The following ERGIC2 variants were observed in gnomAD, a reference collection of about 807,000 sequenced individuals.
ERGIC2 encodes ERGIC and golgi 2.
A neutral mutation model predicts 52.5 loss-of-function variants in ERGIC2; 31 were observed. That is an observed-to-expected ratio of 0.59 (90% CI 0.44 to 0.80). ERGIC2 has a LOEUF of 0.80. Ranked by LOEUF, ERGIC2 falls within the 30% of genes least tolerant of loss-of-function variation. ERGIC2 has a pLI of 0.00. For synonymous variants in ERGIC2, 129 were observed against 140.6 expected, an observed-to-expected ratio of 0.92 and a Z score of 0.58; for missense variants, 395 against 455.2, an observed-to-expected ratio of 0.87 and a Z score of 1.20.
rs1312566863 is a variant in ERGIC2, at chr12:29,338,323, G to A, written c.*2833C>T. On this transcript the variant is annotated 3_prime_UTR_variant, in exon 14 of 14. Coordinates refer to ENST00000360150, the MANE Select transcript of ERGIC2 (RefSeq NM_016570.3). The stretch of plus-strand genomic sequence containing the variant: ...CATAAAACATACATGAGAAAAGTGT[G>A]ATATTAATCATCTAACTTGAGAACT... 1 of 152,066 alleles carries A rather than the reference G, an allele frequency of 6.6e-6. No individual in the cohort carries two copies. The highest frequency in any genetic ancestry group is 1.9e-4 in the East Asian group (1 of 5,186). The allele number at this position is 152,066 out of a possible 1,614,324, so 9.4% of individuals were successfully genotyped here. A position where few individuals can be genotyped will look rare whatever the true frequency, so the allele number is the denominator to read the frequency against.
intron 5 of ERGIC2, among the ~76,000 whole-genome samples, chr12:29,362,943 G>A (rs1940306739): frequency 1.3e-5 from 2 of 152,126 alleles, no homozygotes; most frequent in Admixed American, 6.6e-5. Flanking sequence ...TGACAGTGGC[G>A]ACTATATGAT....
In ERGIC2 at chr12:29,366,926, T is replaced by G; in HGVS notation, c.284A>C (p.Asp95Ala). The G allele has an allele frequency of 6.2e-7, 1 of 1,600,506 alleles. No individual in the cohort carries two copies. The highest frequency in any genetic ancestry group is 8.5e-7 in the Non-Finnish European group (1 of 1,172,658). The change falls in exon 5 of 14, where the codon GAT becomes GCT. Residue 95 changes from aspartate (D) to alanine (A), a missense_variant. By Grantham distance (126) the Asp-to-Ala change is moderately radical (BLOSUM62 -2). Transcript: ENST00000360150. ...AGATGCAACCATTGTTTCTGCTAAA[T>G]CCAATACATCCGCTCCAACATCTGC... ...KCQYVGADVL[D>A]LAETMVASAD...
Position 29,366,891 on chromosome 12 carries a change from A to T in ERGIC2, c.319T>A (p.Leu107Ile), listed in dbSNP as rs775254658. The T allele has an allele frequency of 1.2e-6, 2 of 1,602,242 alleles. No individual in the cohort carries two copies. Among genetic ancestry groups the T allele is most frequent in the Admixed American group, 1.7e-5 (1 of 58,978 alleles). Residue 107 changes from leucine to isoleucine, a missense_variant, in exon 5 of 14, where the codon TTA becomes ATA. Coordinates refer to ENST00000360150, the MANE Select transcript of ERGIC2 (RefSeq NM_016570.3). ...AETMVASADG[L>I]VYEPTVFDLS... ...ATCAAACTTACTGGTTCATAAACTA[A>T]ACCATCTGCAGATGCAACCATTGTT...
chr12:29,345,413 A>G (rs770929711), intron 11 of ERGIC2, 30 bp downstream of exon 11: 5 of 1,249,496 alleles, frequency 4.0e-6, no homozygotes, highest in Non-Finnish European at 5.7e-6. Flanking sequence ...AAAAATCACC[A>G]AATTATTTTA....
intron 10 of ERGIC2, among the ~76,000 whole-genome samples, chr12:29,348,391 C>T (rs555526882): frequency 2.2e-4 from 34 of 151,818 alleles, no homozygotes; most frequent in Non-Finnish European, 4.7e-4. Context: ...TTAAAATGTC[C>T]AATAGCTGGA....
At chr12:29,357,534 G>C (rs1047741886) in intron 7 of ERGIC2, 89 bp downstream of exon 7, 1 of 732,684 alleles carries the variant, frequency 1.4e-6, no homozygotes, top group African/African-American at 1.8e-5. Context: ...AGAAAAATAA[G>C]ATTCAGAAAA....
chr12:29,364,975 G>A lies in ERGIC2; in HGVS notation c.333+1902C>T, dbSNP rs1940338294. Among the ~76,000 whole-genome samples, 3 of 151,838 alleles carry A rather than the reference G, an allele frequency of 2.0e-5. No homozygotes were observed. In the South Asian group the frequency reaches 6.2e-4, roughly 32 times the overall value. On this transcript the variant is annotated intron_variant, in intron 5 of 13. Transcript: ENST00000360150. The stretch of plus-strand genomic sequence containing the variant: ...AAAAAAAAAAAAAAGATGTTGGAGA[G>A]GCTGTGGAGAAAAGGGAACACTTAT...
chr12:29,347,924 G>T (rs527295452), intron 10 of ERGIC2, among the ~76,000 whole-genome samples: 3 of 152,192 alleles, frequency 2.0e-5, no homozygotes, highest in Non-Finnish European at 4.4e-5. Flanking sequence ...AAATTGACCT[G>T]TTTATATTTA....
At chr12:29,344,239 T>C (rs1838168156) in intron 11 of ERGIC2, among the ~76,000 whole-genome samples, 1 of 152,156 alleles carries the variant, frequency 6.6e-6, no homozygotes, top group African/African-American at 2.4e-5. Context: ...CACATTTTTA[T>C]ATTTTTGCCC....
intron 13 of ERGIC2, 50 bp downstream of exon 13, chr12:29,341,684 C>A (rs373968455): frequency 1.7e-5 from 17 of 978,826 alleles, no homozygotes; most frequent in Non-Finnish European, 2.6e-5. Context: ...ATAGACTTAA[C>A]AATGATTCTA....
chr12:29,361,916 A>G (rs377416021), intron 5 of ERGIC2, among the ~76,000 whole-genome samples: 24 of 152,310 alleles, frequency 1.6e-4, no homozygotes, highest in African/African-American at 5.8e-4. Context: ...TGTTACAGTT[A>G]TCGACATTTA....
In ERGIC2 at chr12:29,371,517, C is replaced by T; in HGVS notation, c.106+11G>A. 6.4e-7 allele frequency: 1 copy of T among 1,561,088 alleles called. No homozygotes were observed. Among genetic ancestry groups the T allele is most frequent in the Admixed American group, 1.8e-5 (1 of 54,116 alleles). On this transcript the variant is annotated intron_variant, in intron 2 of 13. Transcript: ENST00000360150. ...CTTACTACAGAACTTTTAATGTTAA[C>T]TGATACTCACCTGTACCTCCACTGG... is the stretch of plus-strand genomic sequence containing the variant.
chr12:29,364,372 A>G (rs1940329145), intron 5 of ERGIC2, among the ~76,000 whole-genome samples: 1 of 152,154 alleles, frequency 6.6e-6, no homozygotes, highest in Admixed American at 6.6e-5. Flanking sequence ...CTCTCTATTC[A>G]ATAAATGGTG....
intron 8 of ERGIC2, among the ~76,000 whole-genome samples, chr12:29,351,069 T>A (rs1409319799): frequency 6.6e-6 from 1 of 152,076 alleles, no homozygotes. Flanking sequence ...ATCTTGGCAC[T>A]GAGCTCAAAA....
intron 1 of ERGIC2, among the ~76,000 whole-genome samples, chr12:29,376,896 G>T (rs1046316210): frequency 1.4e-4 from 21 of 150,246 alleles, no homozygotes; most frequent in Non-Finnish European, 5.9e-5. Context: ...TTTAAAATGT[G>T]TCCTTTATTC....
intron 7 of ERGIC2, 58 bp from the exon 8 acceptor site, chr12:29,356,535 G>A (rs558118548): frequency 5.0e-5 from 44 of 880,462 alleles, no homozygotes; most frequent in African/African-American, 3.8e-4. Context: ...ATTTTATGAT[G>A]AGAAAAATGT....
In ERGIC2 at chr12:29,339,645, G is replaced by A. The variant is rs934265695; in HGVS notation, c.*1511C>T. ...TTAATGATATATTTTTTAAAGTGAT[G>A]CTTCTGTTATTTTCTGCAAAACGTC... On this transcript the variant is annotated 3_prime_UTR_variant, in exon 14 of 14. Transcript: ENST00000360150. 2 of 151,970 alleles carry A rather than the reference G, an allele frequency of 1.3e-5. No individual in the cohort carries two copies. Among genetic ancestry groups the A allele is most frequent in the African/African-American group, 4.8e-5 (2 of 41,386 alleles). The allele number at this position is 151,970 out of a possible 1,614,324, so 9.4% of individuals were successfully genotyped here. A position where few individuals can be genotyped will look rare whatever the true frequency, so the allele number is the denominator to read the frequency against.
chr12:29,345,374 A>G (rs1311771328), intron 11 of ERGIC2, 69 bp downstream of exon 11: 5 of 851,222 alleles, frequency 5.9e-6, no homozygotes, highest in African/African-American at 3.4e-5. Flanking sequence ...CTTATTTTGT[A>G]GCCAGGAAAC....
At chr12:29,364,857 C>CAT (rs1940336117) in intron 5 of ERGIC2, among the ~76,000 whole-genome samples, 3 of 151,308 alleles carry the variant, frequency 2.0e-5, no homozygotes, top group African/African-American at 7.3e-5. Flanking sequence ...AGAAATGCTC[C>CAT]ATATCAGTAA....
Sources: gnomAD v4.1 joint callset for allele counts (sites outside exome capture counted in the v4.1 genomes callset) on GRCh38, gnomAD v4.1.1 for gene constraint, MANE v1.5 for transcripts, NCBI Gene and HGNC (gene_info 2026-07-23, HGNC 2026-07-21) for gene names.